PHF24: variants seen among roughly 807,000 people sequenced by gnomAD.
The protein encoded by PHF24 is PHD finger protein 24.
PHF24 carries 25 observed loss-of-function variants against 42.6 expected under a neutral mutation model. That is an observed-to-expected ratio of 0.59 (90% confidence interval 0.43 to 0.82). The LOEUF is 0.82. PHF24 is among the 40% of genes least tolerant of loss of function. The pLI, the probability that PHF24 is intolerant of heterozygous loss-of-function variation, is 0.00. For synonymous variants in PHF24, 185 were observed against 204.8 expected (o/e 0.90, Z 0.83); for missense variants, 470 against 538.1 (o/e 0.87, Z 1.25).
the PHF24 span, chr9:34,709,098 C>T: frequency 5.9e-6 from 3 of 508,880 alleles, no homozygotes; most frequent in South Asian, 2.9e-5. Flanking sequence ...GTATCAGGTC[C>T]AGGGTCCTGA....
chr9:34,739,689 G>A, the PHF24 span, among the ~76,000 whole-genome samples: 2 of 152,162 alleles, frequency 1.3e-5, no homozygotes, highest in East Asian at 1.9e-4. Flanking sequence ...AGCTCATAAA[G>A]GCAGTGTGCA....
the PHF24 span, among the ~76,000 whole-genome samples, chr9:34,843,164 C>G: frequency 1.3e-5 from 2 of 152,088 alleles, no homozygotes; most frequent in Non-Finnish European, 2.9e-5. Flanking sequence ...TAAACTGATT[C>G]CAAAAGAATG....
chr9:34,890,367 C>T, the PHF24 span, among the ~76,000 whole-genome samples: 1 of 152,142 alleles, frequency 6.6e-6, no homozygotes, highest in East Asian at 1.9e-4. Flanking sequence ...CTCACTTTTG[C>T]AAAGACCTGG....
At chr9:34,923,682 T>C in the PHF24 span, among the ~76,000 whole-genome samples, 1 of 152,162 alleles carries the variant, frequency 6.6e-6, no homozygotes, top group African/African-American at 2.4e-5. Context: ...TCTTTTTCCA[T>C]CTCTGATTTT....
chr9:34,937,090 C>T, the PHF24 span, among the ~76,000 whole-genome samples: 1 of 151,502 alleles, frequency 6.6e-6, no homozygotes, highest in Non-Finnish European at 1.5e-5. Flanking sequence ...TCTGCCCCGG[C>T]CGCCCCTACT....
the PHF24 span, chr9:34,833,308 G>A: frequency 6.4e-7 from 1 of 1,551,458 alleles, no homozygotes; most frequent in South Asian, 1.2e-5. Context: ...TGTCCCCACT[G>A]GGTTGTGAGA....
At chr9:34,937,320 C>G in the PHF24 span, among the ~76,000 whole-genome samples, 1 of 152,170 alleles carries the variant, frequency 6.6e-6, no homozygotes, top group Admixed American at 6.5e-5. Flanking sequence ...ATTGTTCTGT[C>G]TTGGGATCCT....
the PHF24 span, among the ~76,000 whole-genome samples, chr9:34,704,167 T>C: frequency 1.3e-5 from 2 of 151,672 alleles, no homozygotes; most frequent in Admixed American, 6.6e-5. Flanking sequence ...GCTAGGACAA[T>C]AGGCCTGTGC....
chr9:34,943,181 G>A, the PHF24 span, among the ~76,000 whole-genome samples: 1 of 152,078 alleles, frequency 6.6e-6, no homozygotes, highest in Admixed American at 6.6e-5. Flanking sequence ...CCAGGGATGT[G>A]GTACTGTTTT....
chr9:34,866,852 C>T, the PHF24 span, among the ~76,000 whole-genome samples: 2 of 152,080 alleles, frequency 1.3e-5, no homozygotes, highest in African/African-American at 2.4e-5. Flanking sequence ...GACCAACTGT[C>T]CCTCCATTCA....
At chr9:34,946,733 G>A in the PHF24 span, among the ~76,000 whole-genome samples, 6 of 152,298 alleles carry the variant, frequency 3.9e-5, no homozygotes, top group South Asian at 4.1e-4. Flanking sequence ...GAGAAGGCAG[G>A]AAGGACAATT....
chr9:34,740,402 G>A, the PHF24 span, among the ~76,000 whole-genome samples: 17 of 152,346 alleles, frequency 1.1e-4, 1 homozygote, highest in Admixed American at 3.9e-4. Flanking sequence ...GCTAAGGCCA[G>A]GCAAGAAATC....
the PHF24 span, among the ~76,000 whole-genome samples, chr9:34,868,481 TTTTA>T: frequency 6.6e-6 from 1 of 152,240 alleles, no homozygotes; most frequent in Admixed American, 6.5e-5. Flanking sequence ...CAGAGATTTC[TTTTA>T]TTTGTTTTTG....
chr9:34,735,799 TAA>T, the PHF24 span, among the ~76,000 whole-genome samples: 5 of 137,216 alleles, frequency 3.6e-5, no homozygotes, highest in Admixed American at 1.5e-4. Context: ...AGACTCCCTC[TAA>T]AAAAAAAAAA....
the PHF24 span, chr9:34,895,492 C>T: frequency 2.5e-6 from 1 of 398,192 alleles, no homozygotes; most frequent in South Asian, 1.3e-4. Flanking sequence ...CTTTAAAAAG[C>T]AAGGGCTAAG....
At chr9:34,946,138 G>C in the PHF24 span, among the ~76,000 whole-genome samples, 11 of 152,176 alleles carry the variant, frequency 7.2e-5, no homozygotes, top group Non-Finnish European at 1.6e-4. Context: ...CACCTTGCAG[G>C]ATTATTTGGA....
the PHF24 span, among the ~76,000 whole-genome samples, chr9:34,744,410 G>A: frequency 7.9e-5 from 12 of 152,148 alleles, no homozygotes; most frequent in Non-Finnish European, 1.2e-4. Flanking sequence ...AACAAAATTG[G>A]CTTGCTTATG....
chr9:34,748,150 G>A, the PHF24 span, among the ~76,000 whole-genome samples: 1 of 152,282 alleles, frequency 6.6e-6, no homozygotes, highest in African/African-American at 2.4e-5. Context: ...GTTTTGAGGT[G>A]CTAGTAACAT....
At chr9:34,904,763 C>T in the PHF24 span, among the ~76,000 whole-genome samples, 28 of 18,272 alleles carry the variant, frequency 1.5e-3, no homozygotes, top group Admixed American at 2.9e-3. Flanking sequence ...AGGGTTCCTT[C>T]TTTCTCTGTC....
Sources: allele counts gnomAD v4.1 joint callset (sites outside exome capture counted in the v4.1 genomes callset), GRCh38; gene constraint gnomAD v4.1.1; transcripts MANE v1.5; gene names NCBI Gene and HGNC (gene_info 2026-07-23, HGNC 2026-07-21).